The following LAP3 variants were observed in gnomAD, a reference collection of about 807,000 sequenced individuals.
LAP3 encodes leucine aminopeptidase 3.
Under a neutral mutation model 58.8 loss-of-function variants are expected in LAP3, and 46 were observed. The ratio of observed to expected loss-of-function variants is 0.78; its 90% CI spans 0.62 to 1.00. The LOEUF is 1.00. Ranked by LOEUF, LAP3 falls within the 50% of genes least tolerant of loss-of-function variation. The probability of loss-of-function intolerance (pLI) is 0.00; values close to 1 mark genes in which losing one functional copy is unlikely to be tolerated. For synonymous variants in LAP3, 257 were observed against 237.7 expected (o/e 1.08, Z -0.75); for missense variants, 615 against 659.1 (o/e 0.93, Z 0.73).
intron 6 of LAP3, chr4:17,587,530 C>T (rs1713556146): frequency 6.6e-6 from 1 of 151,390 alleles, no homozygotes; most frequent in African/African-American, 2.4e-5. Flanking sequence ...ATGATGCAGT[C>T]CTAGTTTAAT....
rs547276021 is a variant in LAP3 at position 17,581,258 on chromosome 4, G to C, written c.219-502G>C. ...ATTACTGCAGTGTTTTTGGTGTCTT[G>C]TGGCTTTTATTGAAAAAGGTTTGAG... On this transcript the variant is annotated intron_variant, in intron 2 of 12. Transcript: ENST00000226299. 1.1e-3 allele frequency among the ~76,000 whole-genome samples: 160 copies of C among 152,348 alleles called. 2 individuals are homozygous for C. The South Asian group carries it at 0.024, about 23-fold the overall frequency.
At chr4:17,592,402 C>T (rs1172903142) in intron 7 of LAP3, among the ~76,000 whole-genome samples, 2 of 152,124 alleles carry the variant, frequency 1.3e-5, no homozygotes, top group Non-Finnish European at 2.9e-5. Context: ...AGCCATTCTT[C>T]TTTTCTATTG....
intron 11 of LAP3, 75 bp downstream of exon 11, chr4:17,604,742 TTCAACCCTGTGTTA>T: frequency 8.7e-7 from 1 of 1,143,202 alleles, no homozygotes; most frequent in Non-Finnish European, 1.3e-6. Context: ...GATAGACTTC[TTCAACCCTGTGTTA>T]AAGTGATTTT....
At chr4:17,603,750 G>A (rs1714037643) in intron 10 of LAP3, among the ~76,000 whole-genome samples, 1 of 151,640 alleles carries the variant, frequency 6.6e-6, no homozygotes, top group South Asian at 2.1e-4. Flanking sequence ...CCAACCTCAG[G>A]TGATCCACCC....
rs886796255 is a variant in LAP3 at position 17,577,538 on chromosome 4, C to T, written c.73C>T (p.Arg25Trp). 8.9e-6 allele frequency: 14 copies of T among 1,573,390 alleles called. No homozygotes were observed. The highest frequency in any genetic ancestry group is 3.5e-5 in the South Asian group (3 of 85,778). The change falls in exon 1 of 13, where the codon CGG becomes TGG. Residue 25 changes from arginine to tryptophan, a missense_variant. Transcript: ENST00000226299. ...TCTGGCCGTGAGACGTTTCGGGAGCCGGAGTCTCTCCACCGCAGACATGAC... is the reference window on the plus strand; with the variant it reads ...TCTGGCCGTGAGACGTTTCGGGAGCTGGAGTCTCTCCACCGCAGACATGAC... The part of the protein sequence containing the change: ...RRLAVRRFGS[R>W]SLSTADMTKG...
At chr4:17,593,738 G>C (rs9995197) in intron 7 of LAP3, among the ~76,000 whole-genome samples, 3,761 of 147,156 alleles carry the variant, frequency 0.026, 155 homozygotes, top group African/African-American at 0.088. Context: ...TCAACCTCCC[G>C]AGTAGCTGGG....
chr4:17,596,462 C>T (rs181013680), intron 8 of LAP3, among the ~76,000 whole-genome samples: 1,765 of 152,172 alleles, frequency 0.012, 38 homozygotes, highest in African/African-American at 0.04. Context: ...GCCTCAGCCT[C>T]TTGAGTAGCT....
intron 10 of LAP3, among the ~76,000 whole-genome samples, chr4:17,602,165 G>T (rs1311639818): frequency 6.6e-6 from 1 of 152,152 alleles, no homozygotes; most frequent in Non-Finnish European, 1.5e-5. Flanking sequence ...ATGGTGGTGG[G>T]TTCAGTGCTT....
intron 4 of LAP3, 182 bp downstream of exon 4, chr4:17,582,575 G>A: frequency 3.6e-6 from 2 of 558,448 alleles, no homozygotes; most frequent in Non-Finnish European, 6.5e-6. Context: ...AATACAGAAG[G>A]TTAGCTAATG....
chr4:17,584,479 C>T (rs901390745), intron 5 of LAP3, among the ~76,000 whole-genome samples: 2 of 152,174 alleles, frequency 1.3e-5, no homozygotes, highest in Admixed American at 6.5e-5. Context: ...GTCCTGCTTA[C>T]GAATGGGTTG....
chr4:17,586,267 T>C (rs763917376), intron 6 of LAP3: 5 of 152,202 alleles, frequency 3.3e-5, no homozygotes, highest in Non-Finnish European at 7.3e-5. Flanking sequence ...GAATTCTTTA[T>C]TGTCAAAGTT....
Position 17,581,291 on chromosome 4 carries a change from C to T in LAP3, c.219-469C>T, listed in dbSNP as rs192881650. ...TATTGAAAAAGGTTTGAGATTCATTCGGTTCAGCGTCAATCCGTGCTCAGA... is the reference window on the plus strand; with the variant it reads ...TATTGAAAAAGGTTTGAGATTCATTTGGTTCAGCGTCAATCCGTGCTCAGA... On this transcript the variant is annotated intron_variant, in intron 2 of 12. Coordinates refer to ENST00000226299, the MANE Select transcript of LAP3 (RefSeq NM_015907.3). Among the ~76,000 whole-genome samples the T allele has an allele frequency of 4.3e-4, 65 of 152,314 alleles. No individual in the cohort carries two copies. The East Asian group carries it at 8.1e-3, about 19-fold the overall frequency.
intron 9 of LAP3, 103 bp downstream of exon 9, chr4:17,597,237 A>G: frequency 1.1e-6 from 1 of 933,264 alleles, no homozygotes; most frequent in Non-Finnish European, 1.8e-6. Flanking sequence ...CCAGAACCAT[A>G]TTAGGGGAGG....
At chr4:17,595,886 T>G (rs559404221) in intron 8 of LAP3, among the ~76,000 whole-genome samples, 1 of 152,112 alleles carries the variant, frequency 6.6e-6, no homozygotes, top group South Asian at 2.1e-4. Flanking sequence ...TTCGTAGGAT[T>G]GTGGCCGGTG....
chr4:17,589,206 G>A (rs540464919), intron 7 of LAP3, among the ~76,000 whole-genome samples: 3 of 151,732 alleles, frequency 2.0e-5, no homozygotes, highest in South Asian at 2.1e-4. Flanking sequence ...GATTACAGGC[G>A]TGCACCACCA....
intron 10 of LAP3, among the ~76,000 whole-genome samples, chr4:17,602,289 G>A (rs1713999504): frequency 6.6e-6 from 1 of 152,154 alleles, no homozygotes; most frequent in Non-Finnish European, 1.5e-5. Flanking sequence ...AAGCAGACGT[G>A]TTCCTTGACT....
intron 11 of LAP3, among the ~76,000 whole-genome samples, chr4:17,606,415 T>TGCAACCTCCCC (rs1560153352): frequency 6.6e-6 from 1 of 152,182 alleles, no homozygotes; most frequent in Non-Finnish European, 1.5e-5. Context: ...GTTGGCTCCC[T>TGCAACCTCCCC]GCAACCTCCC....
At position 17,577,491 on chromosome 4, in the gene LAP3, C is replaced by A. The variant is rs201919858; in HGVS notation, c.26C>A (p.Ala9Glu). MFLLPLPAAGRVVVRRLAV... is the reference protein window; with the variant it reads MFLLPLPAEGRVVVRRLAV... ...ATGTTCTTGCTGCCTCTTCCGGCTG[C>A]GGGGCGAGTAGTCGTCCGACGTCTG... The change falls in exon 1 of 13, where the codon GCG becomes GAG. Residue 9 changes from alanine to glutamate, a missense_variant. Coordinates refer to ENST00000226299, the MANE Select transcript of LAP3 (RefSeq NM_015907.3). 7.6e-6 allele frequency: 12 copies of A among 1,582,670 alleles called. No homozygotes were observed. In the South Asian group the frequency reaches 1.4e-4, roughly 18 times the overall value.
chr4:17,585,022 A>G lies in LAP3; in HGVS notation c.590A>G (p.Asn197Ser), dbSNP rs751302250. ...QKGVLFASGQ[N>S]LARQLMETPA... is the part of the protein sequence containing the mutation. Reference sequence around the variant, plus strand: ...GGAGTCCTGTTTGCTTCTGGGCAGAACTTGGCACGCCAATTGATGGAGACG... The same window carrying G: ...GGAGTCCTGTTTGCTTCTGGGCAGAGCTTGGCACGCCAATTGATGGAGACG... The change falls in exon 6 of 13, where the codon AAC becomes AGC. Residue 197 changes from asparagine to serine, a missense_variant. Transcript: ENST00000226299. 1.2e-6 allele frequency: 2 copies of G among 1,614,116 alleles called. No individual in the cohort carries two copies. Among genetic ancestry groups the G allele is most frequent in the Non-Finnish European group, 8.5e-7 (1 of 1,180,004 alleles).
Sources: gnomAD v4.1 joint callset for allele counts (sites outside exome capture counted in the v4.1 genomes callset) on GRCh38, gnomAD v4.1.1 for gene constraint, MANE v1.5 for transcripts, NCBI Gene and HGNC (gene_info 2026-07-23, HGNC 2026-07-21) for gene names.